The following DYTN variants were observed in gnomAD, a reference collection of about 807,000 sequenced individuals.
DYTN encodes the protein dystrotelin.
Under a neutral mutation model 69.6 loss-of-function variants are expected in DYTN, and 75 were observed. The observed-to-expected ratio is 1.08, with a 90% CI of 0.89 to 1.31. The LOEUF (loss-of-function observed/expected upper bound fraction) is 1.31, where lower values mean the gene tolerates loss of function less well. Among genes scored for constraint, DYTN ranks in the 50% most tolerant of loss-of-function variants. The pLI is 0.00. For missense variants in DYTN, 726 were observed against 688.4 expected, an observed-to-expected ratio of 1.05 and a Z score of -0.61; for synonymous variants, 252 against 249.1, an observed-to-expected ratio of 1.01 and a Z score of -0.11.
At chr2:206,701,464 G>A (rs567547185) in intron 5 of DYTN, among the ~76,000 whole-genome samples, 1 of 152,322 alleles carries the variant, frequency 6.6e-6, no homozygotes, top group African/African-American at 2.4e-5. Flanking sequence ...CCTTAGGAAA[G>A]AAGGGAATCC....
At chr2:206,697,554 A>T (rs114840019) in intron 7 of DYTN, among the ~76,000 whole-genome samples, 83 of 152,326 alleles carry the variant, frequency 5.4e-4, no homozygotes, top group Admixed American at 1.4e-3. Context: ...AGTTAGGATT[A>T]TAATATATCC....
intron 2 of DYTN, 137 bp from the exon 3 acceptor site, chr2:206,707,640 A>T: frequency 1.2e-6 from 1 of 808,644 alleles, no homozygotes; most frequent in Non-Finnish European, 1.9e-6. Flanking sequence ...ATGAAATATG[A>T]CTACTATTTG....
intron 10 of DYTN, among the ~76,000 whole-genome samples, chr2:206,665,014 C>T (rs1017688718): frequency 3.9e-5 from 6 of 152,176 alleles, no homozygotes; most frequent in African/African-American, 1.2e-4. Context: ...CTTTAAGAAG[C>T]TGTCATGTAT....
intron 9 of DYTN, among the ~76,000 whole-genome samples, chr2:206,691,873 T>C (rs868293360): frequency 7.2e-5 from 11 of 152,280 alleles, no homozygotes; most frequent in Admixed American, 2.6e-4. Flanking sequence ...TGAGAAAAGA[T>C]TAGAGAATTA....
intron 9 of DYTN, among the ~76,000 whole-genome samples, chr2:206,682,520 T>C (rs945721544): frequency 5.3e-5 from 8 of 152,172 alleles, no homozygotes; most frequent in African/African-American, 1.9e-4. Flanking sequence ...CTGGTTTTTC[T>C]TCTTTTCTGC....
intron 11 of DYTN, among the ~76,000 whole-genome samples, chr2:206,659,103 TTTAAAGAG>T (rs1699478839): frequency 2.3e-4 from 34 of 151,094 alleles, no homozygotes; most frequent in Admixed American, 2.2e-3. Context: ...AAGTTTGGAA[TTTAAAGAG>T]GTTTGTGGAA....
intron 11 of DYTN, among the ~76,000 whole-genome samples, chr2:206,658,664 T>C (rs2105886664): frequency 6.6e-6 from 1 of 152,318 alleles, no homozygotes; most frequent in East Asian, 1.9e-4. Flanking sequence ...GGATGAATGG[T>C]CCAATTGTTT....
chr2:206,711,622 A>G (rs1042159866), intron 1 of DYTN, among the ~76,000 whole-genome samples: 3 of 151,320 alleles, frequency 2.0e-5, no homozygotes, highest in Non-Finnish European at 2.9e-5. Flanking sequence ...TTTAGGGTAC[A>G]TGTGCACAAT....
At chr2:206,684,838 G>A (rs1699788158) in intron 9 of DYTN, among the ~76,000 whole-genome samples, 1 of 151,594 alleles carries the variant, frequency 6.6e-6, no homozygotes, top group African/African-American at 2.4e-5. Context: ...AGTTATTAAT[G>A]TCATATGAGC....
At chr2:206,673,040 C>T (rs1699646059) in intron 9 of DYTN, among the ~76,000 whole-genome samples, 1 of 152,176 alleles carries the variant, frequency 6.6e-6, no homozygotes, top group African/African-American at 2.4e-5. Context: ...AGGTATTAAG[C>T]TTAGTTTCCA....
chr2:206,710,568 T>C lies in DYTN; in HGVS notation c.50A>G (p.Tyr17Cys). Reference protein sequence around the residue: ...DALNSIENSIYRTAFKLQSVQ... With the variant: ...DALNSIENSICRTAFKLQSVQ... ...TGATTGTAATTTGAAGGCTGTTCTA[T>C]AAATGGAATTCTCAATACTATTAAG... Residue 17 changes from tyrosine (Y) to cysteine (C), a missense_variant, in exon 2 of 12, where the codon TAT becomes TGT. By Grantham distance (194) the Tyr-to-Cys change is radical. Coordinates refer to ENST00000452335, the MANE Select transcript of DYTN (RefSeq NM_001093730.1). 1.2e-6 allele frequency: 2 copies of C among 1,611,750 alleles called. No individual in the cohort carries two copies. The highest frequency in any genetic ancestry group is 1.7e-6 in the Non-Finnish European group (2 of 1,178,946).
At chr2:206,712,123 T>C (rs563949578) in intron 1 of DYTN, among the ~76,000 whole-genome samples, 10 of 152,160 alleles carry the variant, frequency 6.6e-5, no homozygotes, top group Non-Finnish European at 1.5e-4. Context: ...TAAAGTATGG[T>C]TCCTGAACCA....
chr2:206,655,247 ATT>A (rs56068317), intron 11 of DYTN, among the ~76,000 whole-genome samples: 11,045 of 140,774 alleles, frequency 0.078, 574 homozygotes, highest in East Asian at 0.25. Flanking sequence ...TGATTGTGTG[ATT>A]TTTTTTTTTT....
chr2:206,684,751 T>TTTC (rs978263322), intron 9 of DYTN, among the ~76,000 whole-genome samples: 1 of 152,182 alleles, frequency 6.6e-6, no homozygotes, highest in Non-Finnish European at 1.5e-5. Context: ...TCTTCCCCAT[T>TTTC]TTCTTCTTCT....
At chr2:206,668,543 C>T (rs547496014) in intron 9 of DYTN, among the ~76,000 whole-genome samples, 39 of 152,266 alleles carry the variant, frequency 2.6e-4, no homozygotes, top group African/African-American at 9.1e-4. Flanking sequence ...TAAAATCTGC[C>T]TTTCTATACT....
In DYTN at chr2:206,696,532, T is replaced by C. The variant is rs6748192; in HGVS notation, c.720-1655A>G. Among the ~76,000 whole-genome samples the C allele has an allele frequency of 7.0e-3, 1,059 of 152,346 alleles. 12 individuals are homozygous for C. Among genetic ancestry groups the C allele is most frequent in the African/African-American group, 0.024 (987 of 41,566 alleles). ...GTGCATGTTCTATGTGCAGGCAGTG[T>C]ACATGTGTTGACCCAGTTAATCCCC... On this transcript the variant is annotated intron_variant, in intron 7 of 11. Transcript: ENST00000452335.
chr2:206,707,297 C>T lies in DYTN; in HGVS notation c.296+5G>A. The T allele has an allele frequency of 6.2e-7, 1 of 1,610,520 alleles. No homozygotes were observed. The highest frequency in any genetic ancestry group is 8.5e-7 in the Non-Finnish European group (1 of 1,178,610). ...GAGGTCACAGCGCGACGTCCACACC[C>T]TCACCTGTTGTACATTGTCGTGAGA... is the stretch of plus-strand genomic sequence containing the variant. On this transcript the variant is annotated splice_donor_5th_base_variant and intron_variant, in intron 3 of 11. Transcript: ENST00000452335.
At chr2:206,678,887 G>T (rs969582295) in intron 9 of DYTN, 2 of 152,148 alleles carry the variant, frequency 1.3e-5, no homozygotes. Flanking sequence ...GAAGGTTTTA[G>T]ATTTTTCCTT....
intron 11 of DYTN, among the ~76,000 whole-genome samples, chr2:206,659,145 C>T (rs116395663): frequency 0.032 from 4,667 of 147,502 alleles, 106 homozygotes; most frequent in Middle Eastern, 0.06. Context: ...TTCTCTTTTC[C>T]GTTAAGTTCT....
Sources: gnomAD v4.1 joint callset for allele counts (sites outside exome capture counted in the v4.1 genomes callset) on GRCh38, gnomAD v4.1.1 for gene constraint, MANE v1.5 for transcripts, NCBI Gene and HGNC (gene_info 2026-07-23, HGNC 2026-07-21) for gene names.